TUSC3: variants seen among roughly 807,000 people sequenced by gnomAD.
TUSC3 encodes the protein dolichyl-diphosphooligosaccharide--protein glycosyltransferase subunit TUSC3.
A neutral mutation model predicts 44.8 loss-of-function variants in TUSC3; 45 were observed. The observed-to-expected ratio is 1.00, with a 90% CI of 0.79 to 1.29. TUSC3 has a LOEUF of 1.29. TUSC3 is among the 50% of genes most tolerant of loss of function. The pLI, the probability that TUSC3 is intolerant of heterozygous loss-of-function variation, is 0.00. For missense variants in TUSC3, 519 were observed against 437.9 expected (o/e 1.19, Z -1.65); for synonymous variants, 212 against 152.9 (o/e 1.39, Z -2.85).
chr8:15,642,223 C>A (rs1806403969), intron 2 of TUSC3, among the ~76,000 whole-genome samples: 1 of 152,068 alleles, frequency 6.6e-6, no homozygotes, highest in Admixed American at 6.6e-5. Flanking sequence ...TCTCTCTATA[C>A]AATATATAAT....
At chr8:15,825,885 C>CTTTTTTTTTT in the TUSC3 span, among the ~76,000 whole-genome samples, 2 of 120,390 alleles carry the variant, frequency 1.7e-5, no homozygotes, top group African/African-American at 2.9e-5. Context: ...ACAGTTGTTT[C>CTTTTTTTTTT]TTTTTTTTTT....
chr8:15,831,821 G>A, the TUSC3 span, among the ~76,000 whole-genome samples: 808 of 152,264 alleles, frequency 5.3e-3, 6 homozygotes, highest in African/African-American at 0.018. Context: ...TGATTCATTG[G>A]TGTCTCTGAA....
intron 2 of TUSC3, among the ~76,000 whole-genome samples, chr8:15,626,074 G>A (rs1174888218): frequency 6.6e-6 from 1 of 152,174 alleles, no homozygotes; most frequent in Non-Finnish European, 1.5e-5. Flanking sequence ...TGCAGGAGCA[G>A]CAGTGGCAGT....
In TUSC3 at chr8:15,545,985, C is replaced by T. The variant is rs968270685; in HGVS notation, c.138+5417C>T. On this transcript the variant is annotated intron_variant, in intron 1 of 10. Transcript: ENST00000503731. ...TCCATAAGAATTCCTCCTGGAGTATCATGCTAATCCTACCAGGATAGAAAA... is the reference window on the plus strand; with the variant it reads ...TCCATAAGAATTCCTCCTGGAGTATTATGCTAATCCTACCAGGATAGAAAA... Among the ~76,000 whole-genome samples the T allele has an allele frequency of 4.6e-5, 7 of 151,804 alleles. 1 individual carries two copies. Among genetic ancestry groups the T allele is most frequent in the Non-Finnish European group, 1.0e-4 (7 of 67,910 alleles).
At chr8:15,779,120 C>A in the TUSC3 span, among the ~76,000 whole-genome samples, 3 of 47,946 alleles carry the variant, frequency 6.3e-5, no homozygotes, top group African/African-American at 6.0e-4. Context: ...TTTTTTTTTC[C>A]ACGTTACTTC....
At chr8:15,640,839 G>C (rs1347104763) in intron 2 of TUSC3, among the ~76,000 whole-genome samples, 1 of 152,190 alleles carries the variant, frequency 6.6e-6, no homozygotes, top group African/African-American at 2.4e-5. Flanking sequence ...TAAATGTCAT[G>C]AAGGAAAAGC....
At position 15,662,297 on chromosome 8, in the gene TUSC3, G is replaced by C; in HGVS notation, c.708+1G>C. On this transcript the variant is annotated splice_donor_variant, in intron 5 of 10. Transcript: ENST00000503731. LOFTEE classifies it high-confidence loss of function. ...GACTGGTTGGGCCATGGTGTCTCTGGTATGTTAATACATTGTGCTTTTTTT... is the reference window on the plus strand; with the variant it reads ...GACTGGTTGGGCCATGGTGTCTCTGCTATGTTAATACATTGTGCTTTTTTT... The C allele has an allele frequency of 6.2e-7, 1 of 1,612,518 alleles. No individual in the cohort carries two copies. The highest frequency in any genetic ancestry group is 8.5e-7 in the Non-Finnish European group (1 of 1,178,902).
At chr8:15,820,279 G>C in the TUSC3 span, among the ~76,000 whole-genome samples, 1 of 144,114 alleles carries the variant, frequency 6.9e-6, no homozygotes, top group Non-Finnish European at 1.5e-5. Context: ...ATTTCTGCCT[G>C]TATATTCATG....
At chr8:15,435,162 A>G (rs1799930010) in intron 1 of TUSC3, among the ~76,000 whole-genome samples, 2 of 150,716 alleles carry the variant, frequency 1.3e-5, no homozygotes, top group South Asian at 4.2e-4. Context: ...ACATTGTAAA[A>G]GTGTTCCTAT....
At chr8:15,673,595 A>G (rs2129183422) in intron 5 of TUSC3, 152 bp from the exon 6 acceptor site, 1 of 667,824 alleles carries the variant, frequency 1.5e-6, no homozygotes, top group East Asian at 2.8e-5. Context: ...AACTTACTCA[A>G]AGTCCCATAG....
the TUSC3 span, among the ~76,000 whole-genome samples, chr8:15,781,318 T>A: frequency 6.6e-6 from 1 of 152,224 alleles, no homozygotes; most frequent in Non-Finnish European, 1.5e-5. Context: ...GTCTGGCTCT[T>A]ACCTTACCTG....
chr8:15,759,288 T>G (rs1812070620), intron 10 of TUSC3, among the ~76,000 whole-genome samples: 1 of 152,014 alleles, frequency 6.6e-6, no homozygotes, highest in Admixed American at 6.6e-5. Context: ...CAGGTGACAT[T>G]ATGTAACCAC....
chr8:15,523,708 G>GTATATATA (rs71211051), intron 2 of TUSC3, among the ~76,000 whole-genome samples: 4 of 112,486 alleles, frequency 3.6e-5, no homozygotes, highest in African/African-American at 1.2e-4. Flanking sequence ...GTGTGTGTGT[G>GTATATATA]TATATATATA....
chr8:15,549,898 C>T (rs1439748672), intron 1 of TUSC3, among the ~76,000 whole-genome samples: 1 of 151,648 alleles, frequency 6.6e-6, no homozygotes, highest in Non-Finnish European at 1.5e-5. Context: ...AAGGAAAGGG[C>T]TTCATTCAGC....
the TUSC3 span, among the ~76,000 whole-genome samples, chr8:15,831,939 G>C: frequency 1.3e-5 from 2 of 152,122 alleles, no homozygotes; most frequent in Non-Finnish European, 2.9e-5. Context: ...AGGAAATGGA[G>C]AGAACTCCAG....
chr8:15,747,710 AGACC>A (rs1349584650), intron 8 of TUSC3, among the ~76,000 whole-genome samples: 2 of 152,102 alleles, frequency 1.3e-5, no homozygotes, highest in Admixed American at 6.5e-5. Context: ...TTGAAAACCT[AGACC>A]GCAGCACATT....
At chr8:15,667,472 A>T (rs1438918440) in intron 5 of TUSC3, among the ~76,000 whole-genome samples, 4 of 151,724 alleles carry the variant, frequency 2.6e-5, no homozygotes, top group Non-Finnish European at 5.9e-5. Context: ...CCACCTGTTT[A>T]TTAAGTAATG....
intron 6 of TUSC3, among the ~76,000 whole-genome samples, chr8:15,706,497 A>G (rs938852145): frequency 6.6e-6 from 1 of 152,034 alleles, no homozygotes; most frequent in Non-Finnish European, 1.5e-5. Context: ...TGCTATTATC[A>G]TTCAGACAGA....
chr8:15,704,594 G>C (rs374146639), intron 6 of TUSC3, among the ~76,000 whole-genome samples: 1 of 151,866 alleles, frequency 6.6e-6, no homozygotes, highest in East Asian at 1.9e-4. Context: ...AGACTGTAAC[G>C]CTGGTTCTCC....
Sources: allele counts gnomAD v4.1 joint callset (sites outside exome capture counted in the v4.1 genomes callset), GRCh38; gene constraint gnomAD v4.1.1; transcripts MANE v1.5; gene names NCBI Gene and HGNC (gene_info 2026-07-23, HGNC 2026-07-21).